ZNG1A: variants seen among roughly 807,000 people sequenced by gnomAD.
The protein encoded by ZNG1A is zinc-regulated GTPase metalloprotein activator 1A.
the ZNG1A span, among the ~76,000 whole-genome samples, chr9:165,246 A>T: frequency 1.7e-4 from 26 of 152,158 alleles, no homozygotes; most frequent in East Asian, 4.6e-3. Flanking sequence ...ACAATAAGTC[A>T]TTTAAAAAAG....
chr9:170,407 G>GTGTA, the ZNG1A span, among the ~76,000 whole-genome samples: 1 of 145,820 alleles, frequency 6.9e-6, no homozygotes, highest in African/African-American at 2.6e-5. Context: ...GTGTGTGTGT[G>GTGTA]TACAGTCTTG....
At chr9:130,157 C>T in the ZNG1A span, among the ~76,000 whole-genome samples, 44 of 144,658 alleles carry the variant, frequency 3.0e-4, no homozygotes, top group African/African-American at 7.6e-4. Flanking sequence ...AATAAACATA[C>T]TCTATTTTAA....
the ZNG1A span, among the ~76,000 whole-genome samples, chr9:160,909 A>C: frequency 6.6e-6 from 1 of 151,064 alleles, no homozygotes; most frequent in African/African-American, 2.5e-5. Flanking sequence ...TATGATTTCC[A>C]ACAGTCATTG....
chr9:166,575 A>G, the ZNG1A span: 1 of 152,662 alleles, frequency 6.6e-6, no homozygotes, highest in Non-Finnish European at 1.5e-5. Context: ...ACATAACCCA[A>G]TAAAAACTAA....
At chr9:128,990 G>T in the ZNG1A span, among the ~76,000 whole-genome samples, 1 of 151,798 alleles carries the variant, frequency 6.6e-6, no homozygotes, top group East Asian at 1.9e-4. Context: ...GCTCCAGGCT[G>T]GTACTGGGGG....
chr9:175,958 T>C, the ZNG1A span, among the ~76,000 whole-genome samples: 1 of 150,358 alleles, frequency 6.7e-6, no homozygotes, highest in Non-Finnish European at 1.5e-5. Context: ...TGTTGCAAAA[T>C]ACTTTATGTA....
At chr9:161,851 G>A in the ZNG1A span, among the ~76,000 whole-genome samples, 2 of 151,764 alleles carry the variant, frequency 1.3e-5, no homozygotes, top group African/African-American at 4.9e-5. Context: ...GCCTTTTAAT[G>A]GAGAGGGTCT....
At chr9:163,695 T>G in the ZNG1A span, among the ~76,000 whole-genome samples, 2 of 151,706 alleles carry the variant, frequency 1.3e-5, no homozygotes, top group African/African-American at 4.8e-5. Context: ...GGCTGGCGGA[T>G]CACCTGAAGT....
At chr9:169,758 G>C in the ZNG1A span, among the ~76,000 whole-genome samples, 1 of 149,942 alleles carries the variant, frequency 6.7e-6, no homozygotes, top group Non-Finnish European at 1.5e-5. Context: ...ATGATTGTTA[G>C]CATTTTTTAG....
the ZNG1A span, among the ~76,000 whole-genome samples, chr9:141,425 C>G: frequency 6.7e-6 from 1 of 150,040 alleles, no homozygotes; most frequent in African/African-American, 2.5e-5. Context: ...CCCAGAATTT[C>G]ATATCCAGCC....
chr9:168,912 C>T, the ZNG1A span, among the ~76,000 whole-genome samples: 1 of 152,092 alleles, frequency 6.6e-6, no homozygotes, highest in Non-Finnish European at 1.5e-5. Context: ...TGACAACGCA[C>T]CTGATCACCC....
the ZNG1A span, chr9:153,885 G>T: frequency 1.3e-5 from 2 of 151,956 alleles, no homozygotes; most frequent in Non-Finnish European, 2.9e-5. Context: ...TCAAAGCATT[G>T]TACACATTAA....
the ZNG1A span, chr9:161,555 C>A: frequency 7.4e-5 from 95 of 1,285,852 alleles, no homozygotes; most frequent in Middle Eastern, 6.5e-4. Context: ...ATTTAAACTT[C>A]CAAGAACTTA....
the ZNG1A span, among the ~76,000 whole-genome samples, chr9:155,196 G>T: frequency 2.4e-4 from 37 of 151,116 alleles, no homozygotes; most frequent in Admixed American, 1.2e-3. Context: ...AAGAAGAAGA[G>T]TTTACCTACT....
the ZNG1A span, chr9:160,132 A>G: frequency 7.0e-5 from 32 of 454,574 alleles, no homozygotes; most frequent in Admixed American, 2.1e-4. Flanking sequence ...AAGTTGTCCA[A>G]TTCTTTGCCT....
At chr9:159,922 GCTAA>G in the ZNG1A span, 55 of 364,730 alleles carry the variant, frequency 1.5e-4, no homozygotes, top group African/African-American at 9.8e-4. Flanking sequence ...CCTTTTCCAA[GCTAA>G]CTGTTTTCTG....
chr9:174,098 G>C, the ZNG1A span, among the ~76,000 whole-genome samples: 1 of 148,162 alleles, frequency 6.7e-6, no homozygotes, highest in African/African-American at 2.5e-5. Flanking sequence ...AGTGACCCGA[G>C]ACTGCGCCAC....
chr9:176,798 A>G, the ZNG1A span, among the ~76,000 whole-genome samples: 95 of 151,948 alleles, frequency 6.3e-4, no homozygotes, highest in African/African-American at 2.3e-3. Context: ...AATGTAAGAA[A>G]TCTTCTAAGA....
the ZNG1A span, chr9:177,585 C>T: frequency 8.7e-6 from 13 of 1,496,928 alleles, no homozygotes; most frequent in African/African-American, 1.7e-4. Context: ...GTAGTAGAAG[C>T]CAAAAGAACA....
Sources: gnomAD v4.1 joint callset for allele counts (sites outside exome capture counted in the v4.1 genomes callset) on GRCh38, gnomAD v4.1.1 for gene constraint, MANE v1.5 for transcripts, NCBI Gene and HGNC (gene_info 2026-07-23, HGNC 2026-07-21) for gene names.